Variants in CYREN observed in about 807,000 individuals in gnomAD.
CYREN encodes cell cycle regulator of non-homologous end joining.
Under a neutral mutation model 9.7 loss-of-function variants are expected in CYREN, and 7 were observed. The observed-to-expected ratio is 0.72, with a 90% CI of 0.41 to 1.36. The LOEUF is 1.36. Among genes scored for constraint, CYREN ranks in the 40% most tolerant of loss-of-function variants. The probability of loss-of-function intolerance (pLI) is 0.01; values close to 1 mark genes in which losing one functional copy is unlikely to be tolerated. For synonymous variants in CYREN, 76 were observed against 77.9 expected (o/e 0.98, Z 0.13); for missense variants, 215 against 198.1 (o/e 1.09, Z -0.51).
chr7:135,135,475 T>G, intron 2 of CYREN: 1 of 371,628 alleles, frequency 2.7e-6, no homozygotes, highest in Non-Finnish European at 4.7e-6. Flanking sequence ...TGGAAAAATA[T>G]TAAAGCAGAT....
intron 2 of CYREN, among the ~76,000 whole-genome samples, chr7:135,116,106 A>G (rs914808340): frequency 6.6e-6 from 1 of 152,216 alleles, no homozygotes; most frequent in Non-Finnish European, 1.5e-5. Context: ...TGAAAATAAT[A>G]AATACAATAC....
chr7:135,126,952 G>A (rs2117294040), intron 2 of CYREN, among the ~76,000 whole-genome samples: 1 of 152,262 alleles, frequency 6.6e-6, no homozygotes, highest in East Asian at 1.9e-4. Flanking sequence ...TCAGGACATA[G>A]GCATGGGTAA....
intron 2 of CYREN, among the ~76,000 whole-genome samples, chr7:135,156,828 T>A (rs1223888574): frequency 1.3e-5 from 2 of 152,188 alleles, no homozygotes; most frequent in Non-Finnish European, 2.9e-5. Flanking sequence ...CTCCCATAAT[T>A]CCCACATGTT....
Position 135,168,894 on chromosome 7 carries a change from G to A in CYREN, c.29C>T (p.Thr10Met). ...TGTCAGCCATGAGGGAAGGACCCTC[G>A]TTTTAGTCTCGGATTGTAAGGTTTC... is the stretch of plus-strand genomic sequence containing the variant. METLQSETKTRVLPSWLTAQ... is the reference protein window; with the variant it reads METLQSETKMRVLPSWLTAQ... The change falls in exon 2 of 4, where the codon ACG (threonine) becomes ATG (methionine). Residue 10 changes from threonine (T) to methionine (M), a missense_variant. Coordinates refer to ENST00000393114, the MANE Select transcript of CYREN (RefSeq NM_024033.4). 2 of 1,612,362 alleles carry A rather than the reference G, an allele frequency of 1.2e-6. No homozygotes were observed. The highest frequency in any genetic ancestry group is 1.7e-6 in the Non-Finnish European group (2 of 1,179,110).
At position 135,151,156 on chromosome 7, in the gene CYREN, A is replaced by T. The variant is rs148086299; in HGVS notation, n.356+17593T>A. 2.0e-5 allele frequency among the ~76,000 whole-genome samples: 3 copies of T among 152,332 alleles called. No individual in the cohort carries two copies. The highest frequency in any genetic ancestry group is 4.4e-5 in the Non-Finnish European group (3 of 68,022). On this transcript the variant is annotated intron_variant and non_coding_transcript_variant, in intron 2 of 2. Transcript: ENST00000459937. This position sits in a 1 kb window ranked among gnomAD's most constrained non-coding sequence, Gnocchi z 4.3. Reference sequence around the variant, plus strand: ...TTTATTTACATGGAATAATTAAGTAAATCAAAACATCACAGCATTCATTAA... The same window carrying T: ...TTTATTTACATGGAATAATTAAGTATATCAAAACATCACAGCATTCATTAA...
Position 135,107,719 on chromosome 7 carries a change from T to C in CYREN, n.357-13137A>G, listed in dbSNP as rs750422536. 1.5e-3 allele frequency among the ~76,000 whole-genome samples: 231 copies of C among 152,238 alleles called. 1 individual carries two copies. The highest frequency in any genetic ancestry group is 2.5e-3 in the Non-Finnish European group (167 of 68,042). The stretch of plus-strand genomic sequence containing the variant: ...GATTTAGGATGGAGAGTTCTGTAGA[T>C]GTCTATCAGATCTATTTGGTCCAAT... On this transcript the variant is annotated intron_variant and non_coding_transcript_variant, in intron 2 of 2. Transcript: ENST00000459937.
chr7:135,109,697 AT>A (rs1477360628), intron 2 of CYREN, among the ~76,000 whole-genome samples: 2 of 152,110 alleles, frequency 1.3e-5, no homozygotes, highest in Non-Finnish European at 2.9e-5. Context: ...TGGTCAGGAA[AT>A]TCCTCCCAGT....
At chr7:135,147,689 T>C (rs1829574071) in intron 2 of CYREN, 1 of 441,838 alleles carries the variant, frequency 2.3e-6, no homozygotes, top group Non-Finnish European at 4.5e-6. Flanking sequence ...ACGGCATAGC[T>C]GCTTCCCAAG....
intron 2 of CYREN, among the ~76,000 whole-genome samples, chr7:135,146,969 T>A (rs113879754): frequency 8.5e-5 from 13 of 152,346 alleles, no homozygotes; most frequent in African/African-American, 3.1e-4. Context: ...TATTGAGTTT[T>A]CAGAGTAACT....
At chr7:135,160,703 G>A (rs915300785) in intron 2 of CYREN, among the ~76,000 whole-genome samples, 1 of 151,514 alleles carries the variant, frequency 6.6e-6, no homozygotes, top group Non-Finnish European at 1.5e-5. Flanking sequence ...AAAGAACTCA[G>A]GGAGCCTATG....
intron 2 of CYREN, among the ~76,000 whole-genome samples, chr7:135,104,962 G>A (rs1019394942): frequency 2.0e-5 from 3 of 151,352 alleles, no homozygotes; most frequent in Non-Finnish European, 4.4e-5. Context: ...CTTTTGTTGT[G>A]ATTGCTTTTG....
intron 2 of CYREN, chr7:135,101,190 G>A (rs368289894): frequency 4.4e-6 from 2 of 456,026 alleles, no homozygotes; most frequent in South Asian, 1.5e-5. Context: ...TGATTTGTAT[G>A]GAAACTGTTT....
intron 2 of CYREN, among the ~76,000 whole-genome samples, chr7:135,105,629 T>C (rs1824588258): frequency 6.6e-6 from 1 of 152,260 alleles, no homozygotes. Flanking sequence ...TTTTGGTTAC[T>C]ATAGCCCTAT....
chr7:135,116,391 G>A (rs1826316158), intron 2 of CYREN, among the ~76,000 whole-genome samples: 1 of 152,124 alleles, frequency 6.6e-6, no homozygotes, highest in African/African-American at 2.4e-5. Context: ...TATACAAAGA[G>A]TGCTTACATA....
intron 2 of CYREN, among the ~76,000 whole-genome samples, chr7:135,128,291 CAAAAAAAAAAAAAA>C (rs61217008): frequency 1.1e-3 from 63 of 58,080 alleles, no homozygotes; most frequent in Non-Finnish European, 1.4e-3. Context: ...GACTCCATCT[CAAAAAAAAAAAAAA>C]AAAAAAAAAA....
At chr7:135,132,732 C>T (rs919074204) in intron 2 of CYREN, among the ~76,000 whole-genome samples, 6 of 152,174 alleles carry the variant, frequency 3.9e-5, no homozygotes, top group African/African-American at 9.7e-5. Context: ...AGCTGTCTTG[C>T]GTGCCACCAT....
chr7:135,102,589 T>TTG (rs1401472424), intron 2 of CYREN, among the ~76,000 whole-genome samples: 1 of 122,064 alleles, frequency 8.2e-6, no homozygotes, highest in Non-Finnish European at 1.8e-5. Context: ...CCAAGAGTAC[T>TTG]TTCAGTATGA....
intron 2 of CYREN, among the ~76,000 whole-genome samples, chr7:135,100,819 G>T (rs921753438): frequency 2.0e-5 from 3 of 152,180 alleles, no homozygotes; most frequent in African/African-American, 7.2e-5. Flanking sequence ...AGATGTGAAT[G>T]CTACACCCAC....
chr7:135,134,141 T>C (rs1273806174), intron 2 of CYREN, among the ~76,000 whole-genome samples: 1 of 152,160 alleles, frequency 6.6e-6, no homozygotes, highest in East Asian at 1.9e-4. Flanking sequence ...CTATCTTGAC[T>C]ACATCAATGT....
Sources: allele counts gnomAD v4.1 joint callset (sites outside exome capture counted in the v4.1 genomes callset), GRCh38; gene constraint gnomAD v4.1.1; non-coding constraint Gnocchi (gnomAD v3.1); transcripts MANE v1.5; gene names NCBI Gene and HGNC (gene_info 2026-07-23, HGNC 2026-07-21).